Variants in ARB2A observed in about 807,000 individuals in gnomAD.
ARB2A encodes the protein ARB2 cotranscriptional regulator A, also known as cotranscriptional regulator ARB2A.
the ARB2A span, among the ~76,000 whole-genome samples, chr5:93,811,441 A>G: frequency 6.6e-6 from 1 of 152,188 alleles, no homozygotes; most frequent in Non-Finnish European, 1.5e-5. Flanking sequence ...AGGCACAAAA[A>G]GAATAAGCAA....
chr5:93,763,245 G>A, the ARB2A span, among the ~76,000 whole-genome samples: 67 of 152,110 alleles, frequency 4.4e-4, no homozygotes, highest in Non-Finnish European at 9.0e-4. Flanking sequence ...AAAAGACACA[G>A]ACTGGCAAAT....
chr5:93,824,502 T>C, the ARB2A span, among the ~76,000 whole-genome samples: 1 of 152,290 alleles, frequency 6.6e-6, no homozygotes, highest in South Asian at 2.1e-4. Flanking sequence ...AAAAACACTT[T>C]ATTTCTGAAC....
At chr5:94,058,959 T>C in the ARB2A span, among the ~76,000 whole-genome samples, 1 of 152,058 alleles carries the variant, frequency 6.6e-6, no homozygotes, top group African/African-American at 2.4e-5. Context: ...TCTCTCTCGC[T>C]CCCTCCCTCT....
the ARB2A span, among the ~76,000 whole-genome samples, chr5:94,108,091 T>C: frequency 6.6e-6 from 1 of 152,156 alleles, no homozygotes; most frequent in Non-Finnish European, 1.5e-5. Flanking sequence ...TCTTTTCTGT[T>C]TCTTCATCAT....
the ARB2A span, chr5:94,074,898 T>C: frequency 2.1e-5 from 12 of 579,494 alleles, no homozygotes; most frequent in African/African-American, 1.7e-4. Flanking sequence ...GCCTATGCCA[T>C]AGTACTTATT....
At chr5:94,079,831 A>G in the ARB2A span, among the ~76,000 whole-genome samples, 5 of 152,210 alleles carry the variant, frequency 3.3e-5, no homozygotes, top group Non-Finnish European at 7.3e-5. Flanking sequence ...AAGTTAAGAG[A>G]TATCAAATAA....
the ARB2A span, among the ~76,000 whole-genome samples, chr5:93,787,902 G>GT: frequency 6.6e-6 from 1 of 152,252 alleles, no homozygotes; most frequent in African/African-American, 2.4e-5. Context: ...AATGTCTAGG[G>GT]TAAGAGGGAA....
the ARB2A span, among the ~76,000 whole-genome samples, chr5:93,859,703 G>C: frequency 6.6e-6 from 1 of 152,084 alleles, no homozygotes; most frequent in African/African-American, 2.4e-5. Context: ...AATGAAAAAC[G>C]AAAACATATA....
At chr5:93,837,575 T>G in the ARB2A span, among the ~76,000 whole-genome samples, 2 of 152,030 alleles carry the variant, frequency 1.3e-5, no homozygotes, top group Admixed American at 6.6e-5. Context: ...ATTGCCATTT[T>G]TTGAAAGCAC....
chr5:93,671,960 C>T, the ARB2A span, among the ~76,000 whole-genome samples: 6 of 152,252 alleles, frequency 3.9e-5, no homozygotes, highest in East Asian at 1.2e-3. Flanking sequence ...CTAGTAAGTA[C>T]TGTCTAAGGA....
At chr5:94,040,037 A>T in the ARB2A span, among the ~76,000 whole-genome samples, 1 of 152,026 alleles carries the variant, frequency 6.6e-6, no homozygotes, top group Non-Finnish European at 1.5e-5. Flanking sequence ...GCACCTCTTA[A>T]TAAAAGGCAA....
chr5:93,640,555 G>GGTGTGT, the ARB2A span, among the ~76,000 whole-genome samples: 1 of 147,500 alleles, frequency 6.8e-6, no homozygotes, highest in East Asian at 2.0e-4. Context: ...TTCCTATAGG[G>GGTGTGT]GTGTGTGTGT....
chr5:93,773,756 A>G, the ARB2A span, among the ~76,000 whole-genome samples: 1 of 152,112 alleles, frequency 6.6e-6, no homozygotes. Context: ...TGATTACCAT[A>G]TGTTATGGTA....
At chr5:94,007,755 A>G in the ARB2A span, among the ~76,000 whole-genome samples, 1 of 151,352 alleles carries the variant, frequency 6.6e-6, no homozygotes, top group South Asian at 2.1e-4. Context: ...AGCCTGAGTG[A>G]CAAAGCAAGA....
the ARB2A span, among the ~76,000 whole-genome samples, chr5:93,856,452 C>T: frequency 1.3e-5 from 2 of 152,174 alleles, no homozygotes; most frequent in Non-Finnish European, 2.9e-5. Flanking sequence ...TTCACATAGT[C>T]CCATATTTCT....
the ARB2A span, among the ~76,000 whole-genome samples, chr5:94,107,878 T>C: frequency 6.6e-6 from 1 of 152,182 alleles, no homozygotes; most frequent in Non-Finnish European, 1.5e-5. Flanking sequence ...CATACTGAGA[T>C]GAAGCTGGTG....
At chr5:93,960,085 C>CG in the ARB2A span, among the ~76,000 whole-genome samples, 6 of 141,624 alleles carry the variant, frequency 4.2e-5, no homozygotes, top group East Asian at 4.2e-4. Flanking sequence ...CTAGATGCCC[C>CG]CCCCCCCCCC....
At chr5:93,912,153 CATTTGATGAGT>C in the ARB2A span, among the ~76,000 whole-genome samples, 2 of 151,566 alleles carry the variant, frequency 1.3e-5, no homozygotes, top group Non-Finnish European at 3.0e-5. Flanking sequence ...ATGAATTTTT[CATTTGATGAGT>C]CAGTTGGAAT....
the ARB2A span, among the ~76,000 whole-genome samples, chr5:93,886,205 T>C: frequency 4.0e-5 from 6 of 151,722 alleles, no homozygotes; most frequent in African/African-American, 1.2e-4. Flanking sequence ...TCTTTTCAAC[T>C]ATCTTTTGGT....
Sources: allele counts gnomAD v4.1 joint callset (sites outside exome capture counted in the v4.1 genomes callset), GRCh38; gene constraint gnomAD v4.1.1; transcripts MANE v1.5; gene names NCBI Gene and HGNC (gene_info 2026-07-23, HGNC 2026-07-21).